The following REV1 variants were observed in gnomAD, a reference collection of about 807,000 sequenced individuals.
REV1 encodes the protein translesion synthesis protein REV1.
In REV1, 42 loss-of-function variants were observed where a neutral mutation model predicts 137.4. The ratio of observed to expected loss-of-function variants is 0.31; its 90% CI spans 0.24 to 0.40. The LOEUF (loss-of-function observed/expected upper bound fraction) is 0.40. Ranked by LOEUF, REV1 falls within the 10% of genes least tolerant of loss-of-function variation. REV1 has a pLI of 1.00. For synonymous variants in REV1, 524 were observed against 519.2 expected (o/e 1.01, Z -0.12); for missense variants, 1,282 against 1,490.1 (o/e 0.86, Z 2.30).
intron 1 of REV1, among the ~76,000 whole-genome samples, chr2:99,478,256 G>C (rs1414717573): frequency 6.6e-6 from 1 of 152,110 alleles, no homozygotes; most frequent in Non-Finnish European, 1.5e-5. Flanking sequence ...AAGTACCAAA[G>C]AGAACTGCCT....
At chr2:99,455,654 G>T (rs942134499) in intron 3 of REV1, among the ~76,000 whole-genome samples, 5 of 152,108 alleles carry the variant, frequency 3.3e-5, no homozygotes, top group Admixed American at 1.3e-4. Context: ...GAAATGGAAG[G>T]AGAGATATTA....
At chr2:99,420,131 A>G (rs1678465563) in intron 11 of REV1, among the ~76,000 whole-genome samples, 1 of 152,262 alleles carries the variant, frequency 6.6e-6, no homozygotes, top group Non-Finnish European at 1.5e-5. Flanking sequence ...TTCCTAAGTG[A>G]AATGTTACCA....
intron 1 of REV1, among the ~76,000 whole-genome samples, chr2:99,481,275 AATT>A (rs1285664548): frequency 7.2e-5 from 11 of 152,224 alleles, no homozygotes; most frequent in African/African-American, 2.4e-4. Flanking sequence ...TTTTACAGCC[AATT>A]ATTAAGCTTT....
chr2:99,480,950 G>A (rs1215909300), intron 1 of REV1, among the ~76,000 whole-genome samples: 1 of 152,126 alleles, frequency 6.6e-6, no homozygotes, highest in East Asian at 1.9e-4. Flanking sequence ...AATCTCTGAG[G>A]AACAGTGAGT....
intron 17 of REV1, chr2:99,405,591 C>A (rs1215029131): frequency 9.8e-6 from 2 of 203,684 alleles, no homozygotes; most frequent in Non-Finnish European, 1.9e-5. Flanking sequence ...CCACTAATCA[C>A]CAAAGCTGCC....
rs1245319478 is a variant in REV1 at position 99,410,761 on chromosome 2, C to T, written c.2279G>A (p.Arg760Gln). 5.0e-6 allele frequency: 8 copies of T among 1,611,236 alleles called. No homozygotes were observed. Among genetic ancestry groups the T allele is most frequent in the Admixed American group, 1.7e-5 (1 of 59,384 alleles). Residue 760 changes from arginine to glutamine, a missense_variant, in exon 14 of 23, where the codon CGA becomes CAA. This residue lies in a region of REV1 where 372 missense variants were observed against 482.3 expected (regional missense o/e 0.77). Coordinates refer to ENST00000258428, the MANE Select transcript of REV1 (RefSeq NM_016316.4). ...GKRLTLKIMV[R>Q]KPGAPVETAK... Reference sequence around the variant, plus strand: ...AGTTTCTACAGGAGCCCCAGGCTTTCGTACCATGATTTTGAGAGTTAGACG... The same window carrying T: ...AGTTTCTACAGGAGCCCCAGGCTTTTGTACCATGATTTTGAGAGTTAGACG...
At chr2:99,418,600 T>G (rs1283369392) in intron 12 of REV1, among the ~76,000 whole-genome samples, 1 of 152,154 alleles carries the variant, frequency 6.6e-6, no homozygotes, top group Non-Finnish European at 1.5e-5. Context: ...ATACCTAAAG[T>G]AAAACTGAAT....
intron 4 of REV1, among the ~76,000 whole-genome samples, chr2:99,445,729 T>C (rs1682117541): frequency 6.6e-6 from 1 of 152,194 alleles, no homozygotes; most frequent in Non-Finnish European, 1.5e-5. Context: ...AAGGTTTTAG[T>C]AAAATAATTT....
intron 8 of REV1, among the ~76,000 whole-genome samples, chr2:99,433,698 T>G (rs1434836884): frequency 6.6e-6 from 1 of 152,122 alleles, no homozygotes; most frequent in African/African-American, 2.4e-5. Flanking sequence ...AAAACAACCA[T>G]GAGAAAACTA....
In REV1 at chr2:99,403,875, C is replaced by T; in HGVS notation, c.3046-60G>A. 1.9e-6 allele frequency: 3 copies of T among 1,580,872 alleles called. 1 individual carries two copies. The African/African-American group carries it at 4.0e-5, about 21-fold the overall frequency. On this transcript the variant is annotated intron_variant, in intron 18 of 22. Coordinates refer to ENST00000258428, the MANE Select transcript of REV1 (RefSeq NM_016316.4). ...GCTAATTGTAGATGGTAGCTGGTTT[C>T]TCTTTTTCACAAAACAGACTTTGTT...
intron 1 of REV1, among the ~76,000 whole-genome samples, chr2:99,478,621 G>A (rs1686244187): frequency 6.6e-6 from 1 of 152,218 alleles, no homozygotes; most frequent in Non-Finnish European, 1.5e-5. Context: ...CACAGCAGAA[G>A]AGCTAGTAAC....
intron 12 of REV1, among the ~76,000 whole-genome samples, chr2:99,416,857 G>C (rs1677932431): frequency 7.2e-6 from 1 of 139,346 alleles, no homozygotes; most frequent in Admixed American, 7.6e-5. Flanking sequence ...AGCTTGCAGT[G>C]AGCCGAGATC....
At position 99,406,421 on chromosome 2, in the gene REV1, C is replaced by T; in HGVS notation, c.2518G>A (p.Val840Ile). The change falls in exon 16 of 23, where the codon GTT becomes ATT. Residue 840 changes from valine to isoleucine, a missense_variant. Transcript: ENST00000258428. ...CCACTAGGAAAGTGGCTTGACTGAA[C>T]TGATGGGCGACTGGGACATGTGGAA... ...NPSTCPSRPS[V>I]QSSHFPSGSY... The T allele has an allele frequency of 6.2e-7, 1 of 1,613,844 alleles. No individual in the cohort carries two copies. The highest frequency in any genetic ancestry group is 8.5e-7 in the Non-Finnish European group (1 of 1,179,812).
Position 99,403,735 on chromosome 2 carries a change from C to A in REV1, c.3126G>T (p.Gln1042His), listed in dbSNP as rs748920214. 2.9e-5 allele frequency: 47 copies of A among 1,614,082 alleles called. 1 individual carries two copies. In the South Asian group the frequency reaches 5.1e-4, roughly 17 times the overall value. The part of the protein sequence containing the change: ...LKAAYDQRQR[Q>H]GENSTHQQSA... ...ACTGCTGGTGAGTGCTGTTCTCGCC[C>A]TGCCTTTGTCTTTGATCATACGCTG... The change falls in exon 19 of 23, where the codon CAG becomes CAT. Residue 1042 changes from glutamine to histidine, a missense_variant. Transcript: ENST00000258428.
rs1468613493 is a variant in REV1 at position 99,439,237 on chromosome 2, C to A, written c.577G>T (p.Asp193Tyr). The change falls in exon 6 of 23, where the codon GAT (aspartate) becomes TAT (tyrosine). Residue 193 changes from aspartate (D) to tyrosine (Y), a missense_variant. Asp to Tyr is a radical substitution (Grantham distance 160). Transcript: ENST00000258428. ...ACAAAACTAAAATCATTATTTTCATCTTCTTCATTCCAACTGTTCATGCCA... is the reference window on the plus strand; with the variant it reads ...ACAAAACTAAAATCATTATTTTCATATTCTTCATTCCAACTGTTCATGCCA... ...VNGMNSWNEE[D>Y]ENNDFSFVDL... The A allele has an allele frequency of 6.2e-7, 1 of 1,614,138 alleles. No individual in the cohort carries two copies. The highest frequency in any genetic ancestry group is 1.7e-5 in the Admixed American group (1 of 60,014).
At chr2:99,437,051 C>A (rs1194610555) in intron 6 of REV1, among the ~76,000 whole-genome samples, 1 of 147,940 alleles carries the variant, frequency 6.8e-6, no homozygotes, top group South Asian at 2.1e-4. Context: ...TGCAGTGGTG[C>A]GATCTGCAAC....
At chr2:99,457,138 T>TA (rs1553562685) in intron 3 of REV1, among the ~76,000 whole-genome samples, 1 of 152,214 alleles carries the variant, frequency 6.6e-6, no homozygotes, top group Non-Finnish European at 1.5e-5. Context: ...GCTTAGAGAT[T>TA]ACTTTTTCAT....
chr2:99,442,501 C>T, intron 4 of REV1, 32 bp from the exon 5 acceptor site: 1 of 1,603,192 alleles, frequency 6.2e-7, no homozygotes, highest in Non-Finnish European at 8.5e-7. Context: ...ATTTAGAGTT[C>T]CATACTTGGT....
intron 2 of REV1, 99 bp downstream of exon 2, chr2:99,464,823 A>C (rs892774180): frequency 1.3e-5 from 15 of 1,126,572 alleles, no homozygotes; most frequent in Non-Finnish European, 2.0e-5. Context: ...TGTCTAAAGT[A>C]ATTTACAATT....
Sources: allele counts gnomAD v4.1 joint callset (sites outside exome capture counted in the v4.1 genomes callset), GRCh38; gene constraint gnomAD v4.1.1; regional missense constraint gnomAD v4.1.1; transcripts MANE v1.5; gene names NCBI Gene and HGNC (gene_info 2026-07-23, HGNC 2026-07-21).